GTF2F2: variants seen among roughly 807,000 people sequenced by gnomAD.
GTF2F2 encodes ATP-dependent helicase GTF2F2.
A neutral mutation model predicts 42.2 loss-of-function variants in GTF2F2; 23 were observed. The ratio of observed to expected loss-of-function variants is 0.55; its 90% confidence interval spans 0.39 to 0.77. GTF2F2 has a LOEUF of 0.77. Ranked by LOEUF, GTF2F2 falls within the 30% of genes least tolerant of loss-of-function variation. The pLI is 0.00. For missense variants in GTF2F2, 261 were observed against 287.2 expected (o/e 0.91, Z 0.66); for synonymous variants, 105 against 100.8 (o/e 1.04, Z -0.25).
chr13:45,218,456 C>T (rs1489600820), intron 5 of GTF2F2, among the ~76,000 whole-genome samples: 3 of 152,158 alleles, frequency 2.0e-5, no homozygotes, highest in Admixed American at 6.5e-5. Flanking sequence ...ACGATAATTG[C>T]CATCTCTCAT....
At chr13:45,167,396 A>ATTTTTTT (rs761750778) in intron 4 of GTF2F2, among the ~76,000 whole-genome samples, 14 of 104,276 alleles carry the variant, frequency 1.3e-4, no homozygotes, top group Admixed American at 2.1e-4. Flanking sequence ...TCACCCAGCT[A>ATTTTTTT]TTTTTTTTTT....
intron 7 of GTF2F2, among the ~76,000 whole-genome samples, chr13:45,276,510 C>T (rs1877042922): frequency 6.6e-6 from 1 of 151,198 alleles, no homozygotes; most frequent in Non-Finnish European, 1.5e-5. Flanking sequence ...GATCTCGGCT[C>T]ACTGCAACCT....
At chr13:45,202,695 G>T (rs985520082) in intron 4 of GTF2F2, among the ~76,000 whole-genome samples, 1 of 152,190 alleles carries the variant, frequency 6.6e-6, no homozygotes, top group Admixed American at 6.5e-5. Context: ...GCTCACGCCT[G>T]TAATCCCAGC....
chr13:45,222,051 G>A (rs980306849), intron 5 of GTF2F2, among the ~76,000 whole-genome samples: 13 of 152,064 alleles, frequency 8.5e-5, no homozygotes, highest in Middle Eastern at 6.8e-3. Context: ...CCCCACCGCC[G>A]CCACTACCAC....
intron 5 of GTF2F2, among the ~76,000 whole-genome samples, chr13:45,207,872 C>A (rs1303199176): frequency 6.6e-6 from 1 of 152,002 alleles, no homozygotes; most frequent in Admixed American, 6.5e-5. Flanking sequence ...AATACTGTAA[C>A]TGGGCCAGGC....
At chr13:45,282,707 G>C (rs1051731101) in intron 7 of GTF2F2, among the ~76,000 whole-genome samples, 1 of 152,130 alleles carries the variant, frequency 6.6e-6, no homozygotes, top group Non-Finnish European at 1.5e-5. Flanking sequence ...GTTTCACCAT[G>C]TTGGCCAGGC....
chr13:45,243,631 A>G (rs868029309), intron 5 of GTF2F2, among the ~76,000 whole-genome samples: 2 of 151,818 alleles, frequency 1.3e-5, no homozygotes, highest in Non-Finnish European at 2.9e-5. Context: ...GTTTTTTTTT[A>G]AATCCATTTT....
intron 4 of GTF2F2, among the ~76,000 whole-genome samples, chr13:45,179,439 C>T (rs1872040972): frequency 1.3e-5 from 2 of 152,150 alleles, no homozygotes; most frequent in South Asian, 4.1e-4. Flanking sequence ...TGTAACTAGA[C>T]TGTCTGTGGC....
intron 4 of GTF2F2, among the ~76,000 whole-genome samples, chr13:45,180,258 A>T (rs1480769470): frequency 1.3e-5 from 2 of 152,028 alleles, no homozygotes; most frequent in Admixed American, 6.5e-5. Context: ...ATTTATTTTT[A>T]TTCTGTATTG....
intron 4 of GTF2F2, among the ~76,000 whole-genome samples, chr13:45,198,759 T>C (rs1395657825): frequency 1.3e-5 from 2 of 152,044 alleles, no homozygotes; most frequent in Non-Finnish European, 2.9e-5. Context: ...TTTCACAAGC[T>C]GAGTTTCTTT....
At chr13:45,281,268 TG>T (rs1239047150) in intron 7 of GTF2F2, among the ~76,000 whole-genome samples, 1 of 152,152 alleles carries the variant, frequency 6.6e-6, no homozygotes. Flanking sequence ...GCTGCTGGCA[TG>T]GGAAGGCTGC....
intron 1 of GTF2F2, among the ~76,000 whole-genome samples, chr13:45,128,954 T>C (rs1464507604): frequency 6.6e-6 from 1 of 152,196 alleles, no homozygotes; most frequent in Non-Finnish European, 1.5e-5. Flanking sequence ...AATTTGATTC[T>C]TAAATTTGCC....
At chr13:45,125,365 G>T (rs1319785504) in intron 1 of GTF2F2, among the ~76,000 whole-genome samples, 1 of 151,852 alleles carries the variant, frequency 6.6e-6, no homozygotes, top group African/African-American at 2.4e-5. Context: ...CTTTTGCCAG[G>T]CTGGAGTGCA....
chr13:45,130,193 G>A lies in GTF2F2; in HGVS notation c.67-6540G>A, dbSNP rs548948048. On this transcript the variant is annotated intron_variant, in intron 1 of 7. Coordinates refer to ENST00000340473, the MANE Select transcript of GTF2F2 (RefSeq NM_004128.3). Reference sequence around the variant, plus strand: ...GGCATGGTGACTAAAATCGTGGACTGTGGAGTCGACTGCTTAGGTTAGAAT... The same window carrying A: ...GGCATGGTGACTAAAATCGTGGACTATGGAGTCGACTGCTTAGGTTAGAAT... Among the ~76,000 whole-genome samples the A allele has an allele frequency of 1.7e-4, 26 of 152,346 alleles. No homozygotes were observed. In the East Asian group the frequency reaches 4.6e-3, roughly 27 times the overall value.
intron 2 of GTF2F2, among the ~76,000 whole-genome samples, chr13:45,145,126 A>T (rs202116723): frequency 2.6e-5 from 4 of 152,020 alleles, no homozygotes; most frequent in Admixed American, 6.5e-5. Context: ...TAATAAAAAA[A>T]ATTCATGCCT....
chr13:45,279,371 A>C (rs1207634154), intron 7 of GTF2F2, among the ~76,000 whole-genome samples: 2 of 152,220 alleles, frequency 1.3e-5, no homozygotes, highest in Non-Finnish European at 2.9e-5. Flanking sequence ...TGCAGATTTT[A>C]GTAATAAGTG....
intron 5 of GTF2F2, among the ~76,000 whole-genome samples, chr13:45,228,756 C>T (rs1404980309): frequency 3.3e-5 from 5 of 150,750 alleles, no homozygotes; most frequent in Non-Finnish European, 4.4e-5. Flanking sequence ...CCGCAACCTC[C>T]GCCTCCCGGG....
chr13:45,120,721 G>T lies in GTF2F2; in HGVS notation c.66G>T (p.Lys22Asn). The T allele has an allele frequency of 6.4e-7, 1 of 1,553,516 alleles. No individual in the cohort carries two copies. The highest frequency in any genetic ancestry group is 2.4e-5 in the East Asian group (1 of 41,598). The change falls in exon 1 of 8, where the codon AAG becomes AAT. Residue 22 changes from lysine to asparagine, a missense_variant and splice_region_variant. Physicochemically the swap from Lys to Asn is moderately conservative, Grantham distance 94. Transcript: ENST00000340473. ...AGAACACAGGAGTGTGGCTAGTCAAGGTAATGTTCGCGAGTCTCCCACTTG... is the reference window on the plus strand; with the variant it reads ...AGAACACAGGAGTGTGGCTAGTCAATGTAATGTTCGCGAGTCTCCCACTTG... ...AKQNTGVWLV[K>N]VPKYLSQQWA...
intron 4 of GTF2F2, among the ~76,000 whole-genome samples, chr13:45,191,047 C>T (rs540873675): frequency 1.3e-5 from 2 of 150,416 alleles, no homozygotes; most frequent in African/African-American, 4.9e-5. Flanking sequence ...TTCATTTGTT[C>T]TGTATACCAC....
Sources: allele counts gnomAD v4.1 joint callset (sites outside exome capture counted in the v4.1 genomes callset), GRCh38; gene constraint gnomAD v4.1.1; transcripts MANE v1.5; gene names NCBI Gene and HGNC (gene_info 2026-07-23, HGNC 2026-07-21).